The following TOP6BL variants were observed in gnomAD, a reference collection of about 807,000 sequenced individuals.
The protein encoded by TOP6BL is type 2 DNA topoisomerase 6 subunit B-like.
the TOP6BL span, among the ~76,000 whole-genome samples, chr11:66,760,241 G>A: frequency 7.4e-6 from 1 of 135,522 alleles, no homozygotes; most frequent in Admixed American, 7.3e-5. Context: ...CCTAGGTCAG[G>A]AGTTCAAGAC....
the TOP6BL span, among the ~76,000 whole-genome samples, chr11:66,764,863 G>A: frequency 6.6e-6 from 1 of 151,936 alleles, no homozygotes. Flanking sequence ...CAGCTACTAG[G>A]GGGCTGAGGC....
chr11:66,782,065 A>G, the TOP6BL span, among the ~76,000 whole-genome samples: 20 of 152,094 alleles, frequency 1.3e-4, no homozygotes, highest in African/African-American at 3.9e-4. Flanking sequence ...AAGCCAATGC[A>G]TTTTTCAAAC....
chr11:66,767,075 T>C, the TOP6BL span, among the ~76,000 whole-genome samples: 1 of 152,176 alleles, frequency 6.6e-6, no homozygotes, highest in Non-Finnish European at 1.5e-5. Context: ...ATTCTTCCCT[T>C]AATGATTCCT....
the TOP6BL span, among the ~76,000 whole-genome samples, chr11:66,781,289 G>A: frequency 6.6e-6 from 1 of 151,444 alleles, no homozygotes; most frequent in Non-Finnish European, 1.5e-5. Context: ...TTTGTTATTT[G>A]TCTTCAGTGA....
the TOP6BL span, among the ~76,000 whole-genome samples, chr11:66,783,070 G>T: frequency 3.9e-5 from 6 of 152,210 alleles, no homozygotes; most frequent in African/African-American, 1.4e-4. Context: ...ATTTGGCTGG[G>T]TGAGGTGGCT....
chr11:66,829,360 G>A, the TOP6BL span, among the ~76,000 whole-genome samples: 1 of 152,198 alleles, frequency 6.6e-6, no homozygotes, highest in Non-Finnish European at 1.5e-5. Flanking sequence ...TGGACCGCCT[G>A]AGGTCAGGAG....
At chr11:66,793,436 C>CTTTTT in the TOP6BL span, among the ~76,000 whole-genome samples, 1 of 121,166 alleles carries the variant, frequency 8.3e-6, no homozygotes, top group Admixed American at 8.4e-5. Context: ...ATAATTTTTT[C>CTTTTT]TTTTTTTGTT....
the TOP6BL span, among the ~76,000 whole-genome samples, chr11:66,824,000 T>C: frequency 6.6e-6 from 1 of 152,196 alleles, no homozygotes; most frequent in Admixed American, 6.5e-5. Flanking sequence ...ACTCATTTAC[T>C]TATTAGTTAT....
the TOP6BL span, among the ~76,000 whole-genome samples, chr11:66,781,316 G>A: frequency 1.3e-5 from 2 of 151,832 alleles, no homozygotes; most frequent in South Asian, 4.1e-4. Context: ...TGACTCTTCT[G>A]TCACCTCTAA....
At chr11:66,832,014 A>C in the TOP6BL span, among the ~76,000 whole-genome samples, 4 of 151,152 alleles carry the variant, frequency 2.6e-5, no homozygotes, top group East Asian at 1.9e-4. Flanking sequence ...AAAAAAAAAA[A>C]AACAAAAAAT....
chr11:66,807,961 T>C, the TOP6BL span, among the ~76,000 whole-genome samples: 167 of 152,346 alleles, frequency 1.1e-3, 2 homozygotes, highest in Non-Finnish European at 8.8e-4. Context: ...AATCTTGAAC[T>C]TTGAAATTGG....
the TOP6BL span, among the ~76,000 whole-genome samples, chr11:66,768,782 G>A: frequency 6.6e-6 from 1 of 151,704 alleles, no homozygotes; most frequent in Non-Finnish European, 1.5e-5. Flanking sequence ...AGAAGGGGAT[G>A]GAAAGGACAG....
At chr11:66,821,874 C>T in the TOP6BL span, 6 of 1,273,864 alleles carry the variant, frequency 4.7e-6, no homozygotes, top group African/African-American at 8.9e-5. Flanking sequence ...CCCTTCCTCT[C>T]CTCTTCTGTC....
the TOP6BL span, among the ~76,000 whole-genome samples, chr11:66,763,392 C>T: frequency 1.3e-5 from 2 of 152,140 alleles, no homozygotes; most frequent in East Asian, 1.9e-4. Context: ...GGTGTGAGCA[C>T]ATTAATGTTT....
chr11:66,841,055 A>T, the TOP6BL span, among the ~76,000 whole-genome samples: 3 of 151,064 alleles, frequency 2.0e-5, no homozygotes, highest in African/African-American at 7.3e-5. Flanking sequence ...AGTCTGTTTC[A>T]TGATTAATCC....
the TOP6BL span, among the ~76,000 whole-genome samples, chr11:66,761,167 C>G: frequency 2.6e-5 from 4 of 151,958 alleles, no homozygotes; most frequent in East Asian, 3.9e-4. Context: ...GTCAGGAGAT[C>G]GAGACCATCC....
the TOP6BL span, among the ~76,000 whole-genome samples, chr11:66,793,766 C>A: frequency 2.6e-5 from 4 of 151,616 alleles, no homozygotes. Context: ...TATCTTTAAT[C>A]CCAACCTATT....
At chr11:66,816,226 G>A in the TOP6BL span, 1 of 1,591,804 alleles carries the variant, frequency 6.3e-7, no homozygotes, top group South Asian at 1.1e-5. Flanking sequence ...GGGGTTGCCA[G>A]CTGGGGTGTG....
At chr11:66,838,415 C>T in the TOP6BL span, 1 of 1,613,940 alleles carries the variant, frequency 6.2e-7, no homozygotes, top group Non-Finnish European at 8.5e-7. Context: ...TGAGGACGCA[C>T]CTGATAACAG....
Sources: allele counts gnomAD v4.1 joint callset (sites outside exome capture counted in the v4.1 genomes callset), GRCh38; gene constraint gnomAD v4.1.1; transcripts MANE v1.5; gene names NCBI Gene and HGNC (gene_info 2026-07-23, HGNC 2026-07-21).